Variants in GRIK4 observed in about 807,000 individuals in gnomAD.
GRIK4 encodes glutamate ionotropic receptor kainate type subunit 4.
A neutral mutation model predicts 104.9 loss-of-function variants in GRIK4; 40 were observed. The observed-to-expected ratio is 0.38, with a 90% CI of 0.30 to 0.50. The LOEUF (loss-of-function observed/expected upper bound fraction) is 0.50, where lower values mean the gene tolerates loss of function less well. GRIK4 is among the 20% of genes least tolerant of loss of function. The probability of loss-of-function intolerance (pLI) is 0.93; values close to 1 mark genes in which losing one functional copy is unlikely to be tolerated. For synonymous variants in GRIK4, 485 were observed against 524.9 expected (o/e 0.92, Z 1.04); for missense variants, 1,047 against 1,308.1 (o/e 0.80, Z 3.08).
intron 8 of GRIK4, among the ~76,000 whole-genome samples, chr11:120,845,001 G>A (rs1953816208): frequency 6.6e-6 from 1 of 152,178 alleles, no homozygotes; most frequent in Non-Finnish European, 1.5e-5. Context: ...GCCTTGGTCA[G>A]CCTTGATCAT....
chr11:120,514,948 T>C (rs1340821955), intron 1 of GRIK4: 2 of 456,410 alleles, frequency 4.4e-6, no homozygotes, highest in Non-Finnish European at 8.8e-6. Flanking sequence ...CAGCCTCAGT[T>C]TCCAGCCATC....
intron 13 of GRIK4, among the ~76,000 whole-genome samples, chr11:120,919,732 G>T (rs1369487686): frequency 2.0e-5 from 3 of 152,182 alleles, no homozygotes. Context: ...GGTAGGGGCA[G>T]TGAGAGTCAA....
intron 1 of GRIK4, among the ~76,000 whole-genome samples, chr11:120,594,530 T>A (rs1948775498): frequency 1.3e-5 from 2 of 152,196 alleles, no homozygotes. Context: ...CCATGCCTTA[T>A]AAGGCCCTTG....
chr11:120,652,036 C>T (rs1440441262), intron 1 of GRIK4, among the ~76,000 whole-genome samples: 1 of 152,206 alleles, frequency 6.6e-6, no homozygotes, highest in African/African-American at 2.4e-5. Context: ...CATTTCCCCG[C>T]TGAGTGACCT....
At position 120,955,157 on chromosome 11, in the gene GRIK4, A is replaced by C. The variant is rs370566012; in HGVS notation, c.1701-1623A>C. ...TTGAATTCCCAGGTCCCATGAGCTC[A>C]GAATCTCTAGGGGAAGGGCCTGAGA... On this transcript the variant is annotated intron_variant, in intron 15 of 20. Transcript: ENST00000527524. Among the ~76,000 whole-genome samples, 310 of 152,322 alleles carry C rather than the reference A, an allele frequency of 2.0e-3. 1 individual carries two copies. The highest frequency in any genetic ancestry group is 6.6e-3 in the African/African-American group (276 of 41,570).
At chr11:120,857,641 A>G (rs982048827) in intron 8 of GRIK4, among the ~76,000 whole-genome samples, 5 of 152,198 alleles carry the variant, frequency 3.3e-5, no homozygotes, top group Non-Finnish European at 5.9e-5. Flanking sequence ...TGGTTAGCAC[A>G]GCTTCTACTC....
intron 3 of GRIK4, among the ~76,000 whole-genome samples, chr11:120,712,374 C>T (rs537184905): frequency 6.6e-6 from 1 of 152,286 alleles, no homozygotes; most frequent in East Asian, 1.9e-4. Flanking sequence ...AGGACCTTAG[C>T]CAAGGCAGTC....
At position 120,640,811 on chromosome 11, in the gene GRIK4, C is replaced by G. The variant is rs562137461; in HGVS notation, c.-158-12874C>G. 3.3e-5 allele frequency among the ~76,000 whole-genome samples: 5 copies of G among 152,236 alleles called. No individual in the cohort carries two copies. In the South Asian group the frequency reaches 8.3e-4, roughly 25 times the overall value. ...GCAACCTCCATCTCCCTGGTTCCAG[C>G]AGTTCCCCTGCCTCAGCCTCCTGAG... On this transcript the variant is annotated intron_variant, in intron 1 of 20. Transcript: ENST00000527524.
chr11:120,911,843 C>A (rs1021669055), intron 13 of GRIK4, among the ~76,000 whole-genome samples: 427 of 125,566 alleles, frequency 3.4e-3, no homozygotes, highest in Non-Finnish European at 3.7e-3. Context: ...GACTCCATCT[C>A]AAAAAAAAAA....
chr11:120,829,389 T>A (rs1953362692), intron 6 of GRIK4, among the ~76,000 whole-genome samples: 1 of 151,980 alleles, frequency 6.6e-6, no homozygotes, highest in Admixed American at 6.6e-5. Context: ...AAAAAAAAAA[T>A]TAAATTCAGG....
intron 19 of GRIK4, among the ~76,000 whole-genome samples, chr11:120,968,733 G>A (rs912069457): frequency 6.6e-6 from 1 of 152,226 alleles, no homozygotes; most frequent in Non-Finnish European, 1.5e-5. Context: ...TGGACACAGG[G>A]CATGGGCAGA....
At chr11:120,856,305 A>G (rs560651009) in intron 8 of GRIK4, among the ~76,000 whole-genome samples, 1 of 152,296 alleles carries the variant, frequency 6.6e-6, no homozygotes, top group African/African-American at 2.4e-5. Context: ...CTGTTTCCTG[A>G]TGAGATTGCC....
intron 14 of GRIK4, among the ~76,000 whole-genome samples, chr11:120,945,341 A>T (rs1943833442): frequency 6.6e-6 from 1 of 152,128 alleles, no homozygotes; most frequent in Non-Finnish European, 1.5e-5. Flanking sequence ...GCATTACATT[A>T]TTCTTTGTTT....
chr11:120,814,663 G>A (rs141414042), intron 4 of GRIK4, among the ~76,000 whole-genome samples: 6 of 149,936 alleles, frequency 4.0e-5, no homozygotes, highest in Non-Finnish European at 7.4e-5. Context: ...AACTGATCCC[G>A]GACAGGTGAG....
intron 14 of GRIK4, among the ~76,000 whole-genome samples, chr11:120,945,877 AG>A (rs1211246691): frequency 6.6e-6 from 1 of 152,338 alleles, no homozygotes; most frequent in East Asian, 1.9e-4. Flanking sequence ...ATGGGCTTCT[AG>A]GCTATATATA....
chr11:120,526,886 T>C (rs1014154557), intron 1 of GRIK4, among the ~76,000 whole-genome samples: 16 of 152,354 alleles, frequency 1.1e-4, no homozygotes, highest in African/African-American at 3.6e-4. Flanking sequence ...TTAAAGTGCT[T>C]ATCACAGTCA....
chr11:120,775,546 T>C (rs1352014118), intron 3 of GRIK4, among the ~76,000 whole-genome samples: 1 of 152,214 alleles, frequency 6.6e-6, no homozygotes, highest in Non-Finnish European at 1.5e-5. Context: ...TAATGACAGG[T>C]ACTATTTGGA....
chr11:120,808,370 A>G (rs1330066055), intron 4 of GRIK4, among the ~76,000 whole-genome samples: 1 of 152,228 alleles, frequency 6.6e-6, no homozygotes. Context: ...TAGTAGTAGA[A>G]TTCATATAGT....
In GRIK4 at chr11:120,860,612, T is replaced by A. The variant is rs527476405; in HGVS notation, c.745-1347T>A. ...TGAAATGACGATGAATTTGTTTCCT[T>A]ACTATCTGTCTCTTCCACTAACTGC... On this transcript the variant is annotated intron_variant, in intron 8 of 20. Transcript: ENST00000527524. Among the ~76,000 whole-genome samples, 76 of 152,300 alleles carry A rather than the reference T, an allele frequency of 5.0e-4. 1 individual carries two copies. Among genetic ancestry groups the A allele is most frequent in the African/African-American group, 1.8e-3 (76 of 41,542 alleles).
Sources: allele counts gnomAD v4.1 joint callset (sites outside exome capture counted in the v4.1 genomes callset), GRCh38; gene constraint gnomAD v4.1.1; transcripts MANE v1.5; gene names NCBI Gene and HGNC (gene_info 2026-07-23, HGNC 2026-07-21).